Variants in PLEKHA2 observed in about 807,000 individuals in gnomAD.
PLEKHA2 encodes the protein pleckstrin homology domain containing A2.
In PLEKHA2, 28 loss-of-function variants were observed where a neutral mutation model predicts 53.2. The observed-to-expected ratio is 0.53, with a 90% confidence interval of 0.39 to 0.72. The LOEUF (loss-of-function observed/expected upper bound fraction) is 0.72, where lower values mean the gene tolerates loss of function less well. Ranked by LOEUF, PLEKHA2 falls within the 30% of genes least tolerant of loss-of-function variation. The probability of loss-of-function intolerance (pLI) is 0.00; values close to 1 mark genes in which losing one functional copy is unlikely to be tolerated. For synonymous variants in PLEKHA2, 193 were observed against 196.4 expected, an observed-to-expected ratio of 0.98 and a Z score of 0.14; for missense variants, 426 against 537.9, an observed-to-expected ratio of 0.79 and a Z score of 2.06.
intron 2 of PLEKHA2, among the ~76,000 whole-genome samples, chr8:38,931,356 C>G (rs376339166): frequency 6.6e-6 from 1 of 152,170 alleles, no homozygotes; most frequent in Admixed American, 6.5e-5. Context: ...CACCACCCAC[C>G]GGCTCCACTT....
intron 1 of PLEKHA2, among the ~76,000 whole-genome samples, chr8:38,913,208 A>G (rs1338145556): frequency 6.6e-6 from 1 of 152,070 alleles, no homozygotes; most frequent in Non-Finnish European, 1.5e-5. Flanking sequence ...TACTAAAAAT[A>G]CAAAAATTAG....
At chr8:38,927,567 T>C (rs1238949098) in intron 2 of PLEKHA2, among the ~76,000 whole-genome samples, 1 of 152,144 alleles carries the variant, frequency 6.6e-6, no homozygotes, top group East Asian at 1.9e-4. Flanking sequence ...GGAGGTTGGT[T>C]ATTGCATGTT....
chr8:38,920,324 G>GTAT (rs1375100253), intron 2 of PLEKHA2, among the ~76,000 whole-genome samples: 4 of 151,748 alleles, frequency 2.6e-5, no homozygotes, highest in Non-Finnish European at 5.9e-5. Context: ...CTAATTTTTT[G>GTAT]TATTTTTTTT....
intron 5 of PLEKHA2, among the ~76,000 whole-genome samples, chr8:38,949,559 A>G (rs150649781): frequency 3.5e-4 from 54 of 152,318 alleles, no homozygotes; most frequent in African/African-American, 1.3e-3. Context: ...CCAATTTGCA[A>G]CCTCTGGCCT....
At chr8:38,929,694 C>A (rs963413243) in intron 2 of PLEKHA2, among the ~76,000 whole-genome samples, 2 of 152,130 alleles carry the variant, frequency 1.3e-5, no homozygotes, top group African/African-American at 4.8e-5. Flanking sequence ...TGTTAGTTTC[C>A]TTCTTTCTTT....
At chr8:38,945,155 T>A (rs1834687496) in intron 4 of PLEKHA2, among the ~76,000 whole-genome samples, 1 of 152,230 alleles carries the variant, frequency 6.6e-6, no homozygotes, top group Non-Finnish European at 1.5e-5. Context: ...TGGCTCCTAC[T>A]ATGTTCTCAC....
chr8:38,940,077 G>A (rs1834573718), intron 3 of PLEKHA2, among the ~76,000 whole-genome samples: 1 of 131,956 alleles, frequency 7.6e-6, no homozygotes, highest in Admixed American at 8.0e-5. Context: ...CTGAGACAGA[G>A]TGAGACCCTA....
chr8:38,927,088 A>G (rs1286174480), intron 2 of PLEKHA2, among the ~76,000 whole-genome samples: 1 of 152,238 alleles, frequency 6.6e-6, no homozygotes, highest in Non-Finnish European at 1.5e-5. Context: ...TGACTATTCT[A>G]AGTTTTCTCA....
intron 2 of PLEKHA2, among the ~76,000 whole-genome samples, chr8:38,923,353 T>A (rs965287886): frequency 2.0e-5 from 3 of 152,174 alleles, no homozygotes; most frequent in African/African-American, 7.2e-5. Context: ...AGGTGATCCT[T>A]TCACCAGCAC....
At position 38,968,532 on chromosome 8, in the gene PLEKHA2, C is replaced by CT. The variant is rs1835181896; in HGVS notation, c.838-58dup. The CT allele has an allele frequency of 2.0e-6, 3 of 1,530,788 alleles. No homozygotes were observed. In the South Asian group the frequency reaches 3.4e-5, roughly 17 times the overall value. The allele number at this position is 1,530,788 out of a possible 1,614,324, so 94.8% of individuals were successfully genotyped here. On this transcript the variant is annotated intron_variant, in intron 10 of 11. Coordinates refer to ENST00000617275, the MANE Select transcript of PLEKHA2 (RefSeq NM_021623.2). Reference sequence around the variant, plus strand: ...TATAAACTTAATATTGAGTCAGAGACTTGGAAGCTGAAATCATAGTGCCTA... The same window carrying CT: ...TATAAACTTAATATTGAGTCAGAGACTTTGGAAGCTGAAATCATAGTGCCTA...
At chr8:38,913,505 T>C (rs1480235224) in intron 1 of PLEKHA2, among the ~76,000 whole-genome samples, 1 of 152,154 alleles carries the variant, frequency 6.6e-6, no homozygotes, top group Non-Finnish European at 1.5e-5. Flanking sequence ...CCACAGGAGC[T>C]TGTGTGTTTT....
rs543774590 is a variant in PLEKHA2, at chr8:38,916,915, C to T, written c.-23-992C>T. ...TACCGTACAAGGGTTCCCTTTTCTC[C>T]ACTTCCTCACCAGCATTTGTTGTTG... On this transcript the variant is annotated intron_variant, in intron 1 of 11. Coordinates refer to ENST00000617275, the MANE Select transcript of PLEKHA2 (RefSeq NM_021623.2). 1.6e-4 allele frequency among the ~76,000 whole-genome samples: 24 copies of T among 152,268 alleles called. No individual in the cohort carries two copies. In the East Asian group the frequency reaches 4.6e-3, roughly 29 times the overall value.
At chr8:38,949,486 A>G (rs1171555875) in intron 5 of PLEKHA2, among the ~76,000 whole-genome samples, 1 of 152,246 alleles carries the variant, frequency 6.6e-6, no homozygotes, top group Admixed American at 6.5e-5. Context: ...TTAGATGCAG[A>G]TTTTAAAAAA....
chr8:38,925,750 T>G (rs938913771), intron 2 of PLEKHA2, among the ~76,000 whole-genome samples: 11 of 152,154 alleles, frequency 7.2e-5, no homozygotes, highest in South Asian at 4.1e-4. Context: ...GCATACAAAG[T>G]TATGGGAGGA....
intron 2 of PLEKHA2, among the ~76,000 whole-genome samples, chr8:38,930,447 C>A (rs113883726): frequency 0.21 from 31,324 of 151,862 alleles, 3,395 homozygotes; most frequent in East Asian, 0.39. Flanking sequence ...CAGGTGATCC[C>A]CCTGCCTCAG....
At chr8:38,924,311 C>T (rs1395741783) in intron 2 of PLEKHA2, among the ~76,000 whole-genome samples, 3 of 152,080 alleles carry the variant, frequency 2.0e-5, no homozygotes, top group Admixed American at 1.3e-4. Flanking sequence ...TCAGGGTCCC[C>T]AGAAGAAGAC....
chr8:38,942,237 A>T (rs1054825713), intron 3 of PLEKHA2, among the ~76,000 whole-genome samples: 1 of 148,398 alleles, frequency 6.7e-6, no homozygotes, highest in East Asian at 2.0e-4. Flanking sequence ...CCCCATCTCT[A>T]AAAAAAAAAT....
At position 38,924,141 on chromosome 8, in the gene PLEKHA2, C is replaced by T. The variant is rs116283336; in HGVS notation, c.141+6071C>T. 5.9e-3 allele frequency among the ~76,000 whole-genome samples: 892 copies of T among 152,260 alleles called. 7 individuals carry two copies. The highest frequency in any genetic ancestry group is 0.018 in the African/African-American group (729 of 41,544). On this transcript the variant is annotated intron_variant, in intron 2 of 11. Transcript: ENST00000617275. The stretch of plus-strand genomic sequence containing the variant: ...GCTGGGTTACAGATGTGAGCCACTA[C>T]GCCTGGCCCGGTTTTCACTTACAAG...
chr8:38,938,856 A>G (rs1041483406), intron 3 of PLEKHA2, among the ~76,000 whole-genome samples: 8 of 151,146 alleles, frequency 5.3e-5, no homozygotes, highest in African/African-American at 1.9e-4. Context: ...TGAAGCCACC[A>G]CGTCTCCATG....
Sources: allele counts gnomAD v4.1 joint callset (sites outside exome capture counted in the v4.1 genomes callset), GRCh38; gene constraint gnomAD v4.1.1; transcripts MANE v1.5; gene names NCBI Gene and HGNC (gene_info 2026-07-23, HGNC 2026-07-21).